Variants in CDKL2 observed in about 807,000 individuals in gnomAD.
The protein encoded by CDKL2 is cyclin-dependent kinase-like 2.
Under a neutral mutation model 63.9 loss-of-function variants are expected in CDKL2, and 64 were observed. The ratio of observed to expected loss-of-function variants is 1.00; its 90% confidence interval spans 0.82 to 1.23. The LOEUF is 1.23. CDKL2 is among the 50% of genes most tolerant of loss of function. The probability of loss-of-function intolerance (pLI) is 0.00; values close to 1 mark genes in which losing one functional copy is unlikely to be tolerated. For missense variants in CDKL2, 656 were observed against 668.0 expected, an observed-to-expected ratio of 0.98 and a Z score of 0.20; for synonymous variants, 211 against 229.2, an observed-to-expected ratio of 0.92 and a Z score of 0.72.
intron 7 of CDKL2, among the ~76,000 whole-genome samples, chr4:75,599,422 G>A (rs1729080107): frequency 6.6e-6 from 1 of 151,892 alleles, no homozygotes; most frequent in Admixed American, 6.6e-5. Context: ...TTAGCCAGTT[G>A]TGGTGGCACA....
At chr4:75,603,579 A>T (rs1729292910) in intron 6 of CDKL2, among the ~76,000 whole-genome samples, 1 of 151,090 alleles carries the variant, frequency 6.6e-6, no homozygotes, top group Non-Finnish European at 1.5e-5. Flanking sequence ...AAATACAAAA[A>T]ATTAGCCAGG....
chr4:75,614,957 A>ATATATATGTATATT (rs1225867231), intron 2 of CDKL2, among the ~76,000 whole-genome samples: 1 of 106,978 alleles, frequency 9.3e-6, no homozygotes, highest in African/African-American at 5.3e-5. Flanking sequence ...ATATATATAT[A>ATATATATGTATATT]CACTATATAT....
chr4:75,614,395 G>GTT lies in CDKL2; in HGVS notation c.221_222dup (p.Arg75AsnfsTer5). 3.2e-6 allele frequency: 5 copies of GTT among 1,567,548 alleles called. No homozygotes were observed. The highest frequency in any genetic ancestry group is 1.4e-5 in the African/African-American group (1 of 73,486). ...ACAAATTCAAAGACTAGGTACCATC[G>GTT]TTTTTTTTTCTTACACACTTCCAAG... On this transcript the variant is annotated frameshift_variant, in exon 3 of 14. Coordinates refer to ENST00000307465, the MANE Select transcript of CDKL2 (RefSeq NM_001330724.2). LOFTEE classifies it high-confidence loss of function.
rs765336114 is a variant in CDKL2 at position 75,597,106 on chromosome 4, C to T, written c.1151G>A (p.Ser384Asn). The change falls in exon 9 of 14, where the codon AGC becomes AAC. Residue 384 changes from serine to asparagine, a missense_variant. Ser to Asn is a conservative substitution (Grantham distance 46, BLOSUM62 1). Coordinates refer to ENST00000307465, the MANE Select transcript of CDKL2 (RefSeq NM_001330724.2). ...NASCLHDSRT[S>N]HNKIVPSTSL... Reference sequence around the variant, plus strand: ...TGTTGAAGGCACTATTTTGTTGTGGCTTGTCCTACTGTCATGGAGACAGCT... The same window carrying T: ...TGTTGAAGGCACTATTTTGTTGTGGTTTGTCCTACTGTCATGGAGACAGCT... The T allele has an allele frequency of 7.4e-6, 12 of 1,614,004 alleles. No individual in the cohort carries two copies. The African/African-American group carries it at 9.3e-5, about 13-fold the overall frequency.
chr4:75,617,055 A>G (rs1444532643), intron 2 of CDKL2, among the ~76,000 whole-genome samples: 2 of 152,168 alleles, frequency 1.3e-5, no homozygotes, highest in Non-Finnish European at 1.5e-5. Flanking sequence ...ATCCAATTCC[A>G]TTATTAATAA....
At position 75,586,428 on chromosome 4, in the gene CDKL2, A is replaced by G. The variant is rs1018484046; in HGVS notation, c.1648-4530T>C. ...TTTTTAGTAGAGATGGGGTTTCACC[A>G]TGTTAGCTAGCCAGTAAGGTCTCGA... On this transcript the variant is annotated intron_variant, in intron 12 of 13. Transcript: ENST00000307465. Among the ~76,000 whole-genome samples, 3 of 151,800 alleles carry G rather than the reference A, an allele frequency of 2.0e-5. No homozygotes were observed. In the East Asian group the frequency reaches 5.8e-4, roughly 29 times the overall value.
At chr4:75,603,759 A>C (rs1729303765) in intron 6 of CDKL2, 58 bp downstream of exon 6, 1 of 1,224,548 alleles carries the variant, frequency 8.2e-7, no homozygotes, top group Non-Finnish European at 1.1e-6. Context: ...AAAAAAAAAA[A>C]AGGTCTTGAT....
At chr4:75,583,233 T>C (rs1255233284) in intron 12 of CDKL2, among the ~76,000 whole-genome samples, 1 of 152,242 alleles carries the variant, frequency 6.6e-6, no homozygotes, top group Non-Finnish European at 1.5e-5. Context: ...TATGTAAATG[T>C]AGTACATATG....
chr4:75,624,008 C>T (rs994554991), intron 2 of CDKL2, among the ~76,000 whole-genome samples: 1 of 151,722 alleles, frequency 6.6e-6, no homozygotes, highest in African/African-American at 2.4e-5. Flanking sequence ...GTGGCGGGCG[C>T]CTATAGTACC....
At chr4:75,628,387 T>C (rs1167559387) in intron 1 of CDKL2, among the ~76,000 whole-genome samples, 1 of 152,176 alleles carries the variant, frequency 6.6e-6, no homozygotes, top group Non-Finnish European at 1.5e-5. Flanking sequence ...AGTTCTGGGA[T>C]TACAGGCGTG....
intron 3 of CDKL2, among the ~76,000 whole-genome samples, chr4:75,607,805 T>C (rs563160830): frequency 7.1e-4 from 108 of 152,066 alleles, no homozygotes; most frequent in African/African-American, 2.5e-3. Flanking sequence ...AGATAAGAGA[T>C]TGTGGGGAAA....
At chr4:75,622,864 T>C (rs778081099) in intron 2 of CDKL2, among the ~76,000 whole-genome samples, 1 of 152,024 alleles carries the variant, frequency 6.6e-6, no homozygotes, top group Non-Finnish European at 1.5e-5. Flanking sequence ...CTAGAGTGTT[T>C]ATGAACATTG....
intron 1 of CDKL2, among the ~76,000 whole-genome samples, chr4:75,626,441 C>T (rs893081023): frequency 4.6e-5 from 7 of 152,030 alleles, no homozygotes; most frequent in East Asian, 3.9e-4. Flanking sequence ...CCAAGGTGGG[C>T]GGATCACAAG....
At chr4:75,596,726 C>G (rs1010265945) in intron 9 of CDKL2, among the ~76,000 whole-genome samples, 1 of 152,212 alleles carries the variant, frequency 6.6e-6, no homozygotes, top group Middle Eastern at 3.2e-3. Flanking sequence ...CAATAAAACC[C>G]TACTTTCTCA....
Position 75,605,547 on chromosome 4 carries a change from C to T in CDKL2, c.630G>A (p.Gln210=). Residue 210 remains glutamine (Q), a synonymous_variant, in exon 5 of 14, where the codon CAG becomes CAA. Coordinates refer to ENST00000307465, the MANE Select transcript of CDKL2 (RefSeq NM_001330724.2). ...PLFPGDSDID[Q]LYHIMMCLGN... ...CTAAACACATCATAATATGATATAGCTGATCAATATCAGAATCTCCAGGAA... is the reference window on the plus strand; with the variant it reads ...CTAAACACATCATAATATGATATAGTTGATCAATATCAGAATCTCCAGGAA... 1 of 1,605,696 alleles carries T rather than the reference C, an allele frequency of 6.2e-7. No individual in the cohort carries two copies. The highest frequency in any genetic ancestry group is 8.5e-7 in the Non-Finnish European group (1 of 1,172,462).
intron 5 of CDKL2, among the ~76,000 whole-genome samples, chr4:75,604,888 C>A (rs1008163294): frequency 6.6e-6 from 1 of 152,208 alleles, no homozygotes; most frequent in African/African-American, 2.4e-5. Context: ...GCAATCCCAG[C>A]ATTTTGGGAG....
intron 12 of CDKL2, among the ~76,000 whole-genome samples, chr4:75,585,331 A>G (rs533778638): frequency 6.6e-6 from 1 of 152,080 alleles, no homozygotes; most frequent in African/African-American, 2.4e-5. Context: ...AATCCCAGCT[A>G]CTCAAGAGGC....
chr4:75,580,490 A>G lies in CDKL2; in HGVS notation c.*24-1312T>C, dbSNP rs568687743. On this transcript the variant is annotated intron_variant, in intron 13 of 13. Coordinates refer to ENST00000307465, the MANE Select transcript of CDKL2 (RefSeq NM_001330724.2). Reference sequence around the variant, plus strand: ...AGGCCACCCTGGGCAACATGGTGAAACCCCATCTCTACCAAAAATACAAAA... The same window carrying G: ...AGGCCACCCTGGGCAACATGGTGAAGCCCCATCTCTACCAAAAATACAAAA... 2.0e-5 allele frequency among the ~76,000 whole-genome samples: 3 copies of G among 150,680 alleles called. No individual in the cohort carries two copies. In the South Asian group the frequency reaches 6.3e-4, roughly 32 times the overall value.
chr4:75,625,955 C>T lies in CDKL2; in HGVS notation c.34G>A (p.Glu12Lys). The change falls in exon 2 of 14, where the codon GAA becomes AAA. Residue 12 changes from glutamate to lysine, a missense_variant. Glu to Lys is a moderately conservative substitution (Grantham distance 56, BLOSUM62 1). Transcript: ENST00000307465. ...EKYENLGLVGEGSYGMVMKCR... is the reference protein window; with the variant it reads ...EKYENLGLVGKGSYGMVMKCR... ...TTCATCACCATTCCATAACTCCCTT[C>T]TCCAACCAAACCCAGGTTTTCATAT... 1 of 1,610,502 alleles carries T rather than the reference C, an allele frequency of 6.2e-7. No individual in the cohort carries two copies. The highest frequency in any genetic ancestry group is 8.5e-7 in the Non-Finnish European group (1 of 1,179,180).
Sources: gnomAD v4.1 joint callset for allele counts (sites outside exome capture counted in the v4.1 genomes callset) on GRCh38, gnomAD v4.1.1 for gene constraint, MANE v1.5 for transcripts, NCBI Gene and HGNC (gene_info 2026-07-23, HGNC 2026-07-21) for gene names.